Variants in AP4B1 observed in about 807,000 individuals in gnomAD.
AP4B1 encodes AP-4 complex subunit beta-1.
AP4B1 carries 49 observed loss-of-function variants against 76.5 expected under a neutral mutation model. The observed-to-expected ratio is 0.64, with a 90% CI of 0.51 to 0.81. The LOEUF (loss-of-function observed/expected upper bound fraction) is 0.81, where lower values mean the gene tolerates loss of function less well. AP4B1 is among the 40% of genes least tolerant of loss of function. The pLI is 0.00. For missense variants in AP4B1, 911 were observed against 904.9 expected, an observed-to-expected ratio of 1.01 and a Z score of -0.09; for synonymous variants, 330 against 333.3, an observed-to-expected ratio of 0.99 and a Z score of 0.11.
At chr1:113,898,687 A>C (rs781675475) in intron 6 of AP4B1, 31 bp downstream of exon 6, 2 of 1,588,394 alleles carry the variant, frequency 1.3e-6, no homozygotes, top group Non-Finnish European at 1.7e-6. Flanking sequence ...CCTGACAAAA[A>C]AAACAAAAAT....
At chr1:113,898,832 C>A (rs1163552192) in intron 5 of AP4B1, 31 bp from the exon 6 acceptor site, 1 of 1,541,350 alleles carries the variant, frequency 6.5e-7, no homozygotes, top group African/African-American at 1.4e-5. Flanking sequence ...GAGAAAACTG[C>A]TAAGTGAAAT....
chr1:113,903,987 G>C (rs533047701), intron 1 of AP4B1, among the ~76,000 whole-genome samples: 93 of 152,318 alleles, frequency 6.1e-4, no homozygotes, highest in Non-Finnish European at 1.2e-3. Flanking sequence ...ATGTGTTCAG[G>C]TATGTATAAT....
chr1:113,902,175 G>T, intron 2 of AP4B1: 1 of 442,286 alleles, frequency 2.3e-6, no homozygotes, highest in Admixed American at 3.4e-5. Context: ...TAGTAGCTGA[G>T]ACTACAGGTG....
chr1:113,899,166 T>G, intron 5 of AP4B1: 1 of 1,076,388 alleles, frequency 9.3e-7, no homozygotes, highest in Non-Finnish European at 1.1e-6. Flanking sequence ...GACAGCAGTC[T>G]CCTAAGGATT....
Position 113,899,500 on chromosome 1 carries a change from C to G in AP4B1, c.1114+404G>C, listed in dbSNP as rs1667937058. On this transcript the variant is annotated intron_variant, in intron 5 of 9. Coordinates refer to ENST00000369569, the MANE Select transcript of AP4B1 (RefSeq NM_001253852.3). The stretch of plus-strand genomic sequence containing the variant: ...AGTCCCATTTCTAAAACTATGTGCC[C>G]TTTTGGCAATTTGATAACTGTTTTT... 8 of 417,372 alleles carry G rather than the reference C, an allele frequency of 1.9e-5. No individual in the cohort carries two copies. The South Asian group carries it at 3.3e-4, about 17-fold the overall frequency. The allele number at this position is 417,372 out of a possible 1,614,324, so 25.9% of individuals were successfully genotyped here.
In AP4B1 at chr1:113,895,854, T is replaced by C. The variant is rs1667401651; in HGVS notation, c.1695A>G (p.Pro565=). 6.2e-7 allele frequency: 1 copy of C among 1,614,242 alleles called. No homozygotes were observed. The highest frequency in any genetic ancestry group is 2.2e-5 in the East Asian group (1 of 44,882). ...SWASDFNTLV[P]VYGKAHWATI... is the part of the protein sequence containing the mutation. ...TTGCCCAGTGGGCTTTGCCATACAC[T>C]GGCACCAGTGTGTTGAAGTCTGAGG... is the stretch of plus-strand genomic sequence containing the variant. The change falls in exon 9 of 10, where the codon CCA becomes CCG. Residue 565 remains proline, a synonymous_variant. Coordinates refer to ENST00000369569, the MANE Select transcript of AP4B1 (RefSeq NM_001253852.3).
Position 113,899,891 on chromosome 1 carries a change from A to G in AP4B1, c.1114+13T>C, listed in dbSNP as rs548721980. The stretch of plus-strand genomic sequence containing the variant: ...GTCTAGGTTCTCAAGAAGGAAAAGG[A>G]GCAGACACCTACCTATGGCAAAGAT... On this transcript the variant is annotated intron_variant, in intron 5 of 9. Coordinates refer to ENST00000369569, the MANE Select transcript of AP4B1 (RefSeq NM_001253852.3). The G allele has an allele frequency of 1.9e-6, 3 of 1,614,162 alleles. No individual in the cohort carries two copies. The highest frequency in any genetic ancestry group is 4.5e-5 in the East Asian group (2 of 44,886).
chr1:113,898,697 T>A (rs1667814111), intron 6 of AP4B1, 21 bp downstream of exon 6: 1 of 1,600,476 alleles, frequency 6.2e-7, no homozygotes, highest in Admixed American at 1.7e-5. Flanking sequence ...AAAACAAAAA[T>A]CCTAAAAAGG....
At position 113,904,771 on chromosome 1, in the gene AP4B1, C is replaced by T; in HGVS notation, c.-54G>A. ...CAGCTCCCACGGTAACTCGAGGGCT[C>T]CTTCTCGTCCTGATGTGGGAGCCTG... On this transcript the variant is annotated 5_prime_UTR_variant, in exon 1 of 10. Transcript: ENST00000369569. 5 of 1,434,878 alleles carry T rather than the reference C, an allele frequency of 3.5e-6. No individual in the cohort carries two copies. The highest frequency in any genetic ancestry group is 4.9e-6 in the Non-Finnish European group (5 of 1,018,368). 88.9% of individuals were successfully genotyped at this position (1,434,878 alleles called of 1,614,324 possible). A position where few individuals can be genotyped will look rare whatever the true frequency, so the allele number is the denominator to read the frequency against.
chr1:113,898,266 C>T (rs1667739337), intron 6 of AP4B1, among the ~76,000 whole-genome samples: 1 of 152,134 alleles, frequency 6.6e-6, no homozygotes, highest in African/African-American at 2.4e-5. Flanking sequence ...AACCACCAGG[C>T]CTGGGAAAAT....
At chr1:113,901,711 C>T (rs776551357) in intron 3 of AP4B1, 44 bp downstream of exon 3, 2 of 1,612,926 alleles carry the variant, frequency 1.2e-6, no homozygotes, top group Non-Finnish European at 1.7e-6. Context: ...TAAAGTTATA[C>T]ATAATGGAGG....
At position 113,896,349 on chromosome 1, in the gene AP4B1, C is replaced by A; in HGVS notation, c.1419G>T (p.Lys473Asn). ...GCAGCAAAGCAGTGAGCAGCTCCAT[C>A]TTAACAGCTGGAAATGTTTCCGACT... is the stretch of plus-strand genomic sequence containing the variant. ...NVKSETFPAV[K>N]MELLTALLRL... Residue 473 changes from lysine (K) to asparagine (N), a missense_variant, in exon 8 of 10, where the codon AAG becomes AAT. Physicochemically the swap from Lys to Asn is moderately conservative, Grantham distance 94. Transcript: ENST00000369569. 1 of 1,614,234 alleles carries A rather than the reference C, an allele frequency of 6.2e-7. No individual in the cohort carries two copies. Among genetic ancestry groups the A allele is most frequent in the Non-Finnish European group, 8.5e-7 (1 of 1,180,042 alleles).
intron 7 of AP4B1, chr1:113,897,269 A>T: frequency 6.3e-6 from 1 of 158,420 alleles, no homozygotes; most frequent in South Asian, 1.8e-4. Flanking sequence ...CTAGCTAAAA[A>T]CTCCATGGTC....
intron 7 of AP4B1, chr1:113,897,422 C>T (rs1264202911): frequency 3.6e-6 from 1 of 278,288 alleles, no homozygotes; most frequent in African/African-American, 2.2e-5. Flanking sequence ...AAAACCCTCT[C>T]TACTAAAAAT....
chr1:113,904,605 C>T lies in AP4B1; in HGVS notation c.113G>A (p.Arg38Lys), dbSNP rs772240184. Residue 38 changes from arginine (R) to lysine (K), a missense_variant and splice_region_variant, in exon 1 of 10, where the codon AGG becomes AAG. By Grantham distance (26) the Arg-to-Lys change is conservative (BLOSUM62 2). Transcript: ENST00000369569. ...GCACGCGAAGGGAGGTAGGTGATAC[C>T]TAATCACTCGCTGGATGACATTCCG... ...RYRNVIQRVI[R>K]YMTQGLDMSG... The T allele has an allele frequency of 6.2e-7, 1 of 1,613,758 alleles. No individual in the cohort carries two copies.
Position 113,895,388 on chromosome 1 carries a change from T to C in AP4B1, c.1897A>G (p.Lys633Glu). 6.2e-7 allele frequency: 1 copy of C among 1,614,196 alleles called. No individual in the cohort carries two copies. The highest frequency in any genetic ancestry group is 2.2e-5 in the East Asian group (1 of 44,874). Residue 633 changes from lysine (K) to glutamate (E), a missense_variant, in exon 10 of 10, where the codon AAA (lysine) becomes GAA (glutamate). By Grantham distance (56) the Lys-to-Glu change is moderately conservative. Coordinates refer to ENST00000369569, the MANE Select transcript of AP4B1 (RefSeq NM_001253852.3). ...NRQLTADYFE[K>E]TWLSLKVAHQ... ...GCAACTTTAAGGCTAAGCCAAGTTTTCTCAAAATAATCAGCAGTAAGCTGG... is the reference window on the plus strand; with the variant it reads ...GCAACTTTAAGGCTAAGCCAAGTTTCCTCAAAATAATCAGCAGTAAGCTGG...
chr1:113,899,964 G>T lies in AP4B1; in HGVS notation c.1054C>A (p.Leu352Ile), dbSNP rs1236569053. ...DENVQQVLEE[L>I]RGYCTDVSAD... ...GACACATCCGTGCAGTACCCTCGAA[G>T]CTCCTCTAGCACCTGCTGCACATTC... The change falls in exon 5 of 10, where the codon CTT (leucine) becomes ATT (isoleucine). Residue 352 changes from leucine to isoleucine, a missense_variant. Transcript: ENST00000369569. The T allele has an allele frequency of 3.7e-6, 6 of 1,614,030 alleles. No homozygotes were observed. The highest frequency in any genetic ancestry group is 5.1e-6 in the Non-Finnish European group (6 of 1,180,040).
At chr1:113,895,725 A>G in intron 9 of AP4B1, 32 bp downstream of exon 9, 1 of 1,613,522 alleles carries the variant, frequency 6.2e-7, no homozygotes, top group South Asian at 1.1e-5. Flanking sequence ...AAGATTTATC[A>G]TGACAAGATT....
Position 113,901,832 on chromosome 1 carries a change from T to A in AP4B1, c.392A>T (p.Asp131Val). The change falls in exon 3 of 10, where the codon GAT becomes GTT. Residue 131 changes from aspartate (D) to valine (V), a missense_variant. Physicochemically the swap from Asp to Val is radical, Grantham distance 152. Transcript: ENST00000369569. ...CACTCTCCTGACATATGAAGCCTTA[T>A]CCCGCAGACCATTGAGAATAGGCTG... ...IQQPILNGLR[D>V]KASYVRRVAV... 3.7e-6 allele frequency: 6 copies of A among 1,614,146 alleles called. No individual in the cohort carries two copies. The highest frequency in any genetic ancestry group is 5.1e-6 in the Non-Finnish European group (6 of 1,180,024).
Sources: gnomAD v4.1 joint callset for allele counts (sites outside exome capture counted in the v4.1 genomes callset) on GRCh38, gnomAD v4.1.1 for gene constraint, MANE v1.5 for transcripts, NCBI Gene and HGNC (gene_info 2026-07-23, HGNC 2026-07-21) for gene names.